The following MDGA2 variants were observed in gnomAD, a reference collection of about 807,000 sequenced individuals.
MDGA2 encodes MAM domain containing glycosylphosphatidylinositol anchor 2, also known as MAM domain-containing glycosylphosphatidylinositol anchor protein 2.
Under a neutral mutation model 117.8 loss-of-function variants are expected in MDGA2, and 40 were observed. That is an observed-to-expected ratio of 0.34 (90% CI 0.26 to 0.44). MDGA2 has a LOEUF of 0.44. Ranked by LOEUF, MDGA2 falls within the 20% of genes least tolerant of loss-of-function variation. The pLI is 1.00. For synonymous variants in MDGA2, 452 were observed against 439.0 expected, an observed-to-expected ratio of 1.03 and a Z score of -0.37; for missense variants, 1,123 against 1,250.6, an observed-to-expected ratio of 0.90 and a Z score of 1.54.
At chr14:47,318,031 C>A (rs1472746338) in intron 1 of MDGA2, among the ~76,000 whole-genome samples, 2 of 152,024 alleles carry the variant, frequency 1.3e-5, no homozygotes, top group Non-Finnish European at 2.9e-5. Flanking sequence ...AAGAACTTGC[C>A]CTTTTAATCT....
chr14:47,040,462 A>G (rs1889024800), intron 7 of MDGA2, among the ~76,000 whole-genome samples: 1 of 152,220 alleles, frequency 6.6e-6, no homozygotes, highest in Non-Finnish European at 1.5e-5. Flanking sequence ...AACTCATTCA[A>G]TGAAAACTTC....
rs142764255 is a variant in MDGA2, at chr14:47,451,748, T to A, written c.281-150198A>T. ...AGATTTCTGTCCTGCCCAGTGGATT[T>A]TTTTATCCTCCTCTATGTAAATGAA... On this transcript the variant is annotated intron_variant, in intron 1 of 16. Transcript: ENST00000399232. Among the ~76,000 whole-genome samples the A allele has an allele frequency of 6.5e-3, 988 of 152,242 alleles. 15 individuals carry two copies. Among genetic ancestry groups the A allele is most frequent in the African/African-American group, 0.023 (946 of 41,566 alleles).
chr14:47,116,477 A>G (rs1881336981), intron 5 of MDGA2, among the ~76,000 whole-genome samples: 1 of 152,162 alleles, frequency 6.6e-6, no homozygotes, highest in African/African-American at 2.4e-5. Flanking sequence ...TGGAGAACAA[A>G]GCAGGAGTTA....
At chr14:47,579,290 A>G (rs1896184213) in intron 1 of MDGA2, among the ~76,000 whole-genome samples, 1 of 152,062 alleles carries the variant, frequency 6.6e-6, no homozygotes, top group Admixed American at 6.6e-5. Context: ...TTTGTCCTTA[A>G]AAAGATATTA....
intron 3 of MDGA2, among the ~76,000 whole-genome samples, chr14:47,154,566 G>T (rs1391548639): frequency 6.6e-6 from 1 of 152,154 alleles, no homozygotes; most frequent in East Asian, 1.9e-4. Context: ...GGCCTCTCCC[G>T]GCTCCCAGCA....
At chr14:47,323,176 AT>A in intron 1 of MDGA2, among the ~76,000 whole-genome samples, 1 of 54,606 alleles carries the variant, frequency 1.8e-5, no homozygotes, top group Admixed American at 3.4e-4. Context: ...ATATATATAT[AT>A]ATATATATAT....
At chr14:47,133,761 C>G (rs1005689113) in intron 4 of MDGA2, among the ~76,000 whole-genome samples, 1 of 151,912 alleles carries the variant, frequency 6.6e-6, no homozygotes, top group African/African-American at 2.4e-5. Flanking sequence ...AATTTACACC[C>G]AATTATAACT....
chr14:47,498,724 C>T (rs1372930303), intron 1 of MDGA2, among the ~76,000 whole-genome samples: 1 of 151,904 alleles, frequency 6.6e-6, no homozygotes, highest in South Asian at 2.1e-4. Flanking sequence ...AATAAAGGGG[C>T]CCAATGCTTA....
intron 3 of MDGA2, among the ~76,000 whole-genome samples, chr14:47,210,466 A>G (rs905861134): frequency 1.3e-5 from 2 of 152,226 alleles, no homozygotes; most frequent in Non-Finnish European, 2.9e-5. Context: ...ATGGCTAAGA[A>G]TAAGTGAAAA....
chr14:47,251,168 G>T (rs1015993705), intron 2 of MDGA2, among the ~76,000 whole-genome samples: 2 of 152,120 alleles, frequency 1.3e-5, no homozygotes, highest in East Asian at 3.8e-4. Context: ...ATATATGTTT[G>T]GTTTTCTGTC....
chr14:47,292,881 C>T (rs959729611), intron 2 of MDGA2, among the ~76,000 whole-genome samples: 1 of 152,176 alleles, frequency 6.6e-6, no homozygotes, highest in Non-Finnish European at 1.5e-5. Context: ...GATATATTAT[C>T]CATTGTCATA....
intron 1 of MDGA2, among the ~76,000 whole-genome samples, chr14:47,584,377 T>A (rs1896283893): frequency 6.6e-6 from 1 of 151,848 alleles, no homozygotes; most frequent in Non-Finnish European, 1.5e-5. Flanking sequence ...TCTGAGAACA[T>A]GATGGTTGTT....
At chr14:47,550,867 C>T (rs1895567772) in intron 1 of MDGA2, among the ~76,000 whole-genome samples, 1 of 152,124 alleles carries the variant, frequency 6.6e-6, no homozygotes, top group Non-Finnish European at 1.5e-5. Context: ...CAGGAAAACA[C>T]TCCCTTGTTT....
intron 1 of MDGA2, among the ~76,000 whole-genome samples, chr14:47,556,893 T>C (rs1480799034): frequency 6.6e-6 from 1 of 152,204 alleles, no homozygotes; most frequent in Non-Finnish European, 1.5e-5. Flanking sequence ...CATTAAAAAA[T>C]TTAATGCACA....
At chr14:46,992,152 C>T (rs556358202) in intron 8 of MDGA2, among the ~76,000 whole-genome samples, 3 of 152,218 alleles carry the variant, frequency 2.0e-5, no homozygotes, top group African/African-American at 7.2e-5. Flanking sequence ...CTTCCACTGA[C>T]ACTGCTTAAG....
At chr14:47,557,390 G>A (rs1895704951) in intron 1 of MDGA2, among the ~76,000 whole-genome samples, 2 of 152,054 alleles carry the variant, frequency 1.3e-5, no homozygotes, top group South Asian at 4.1e-4. Flanking sequence ...AAAATTTAAG[G>A]GTGTAATTTG....
intron 3 of MDGA2, among the ~76,000 whole-genome samples, chr14:47,211,393 C>T (rs1179827633): frequency 5.9e-5 from 9 of 152,208 alleles, no homozygotes; most frequent in Middle Eastern, 3.4e-3. Context: ...ACTGAAGCCT[C>T]AAAAGTATGT....
intron 1 of MDGA2, among the ~76,000 whole-genome samples, chr14:47,636,135 C>T (rs552876029): frequency 1.3e-5 from 2 of 152,252 alleles, no homozygotes; most frequent in East Asian, 3.9e-4. Flanking sequence ...GATATCATAT[C>T]ACTACATCTG....
rs1486053412 is a variant in MDGA2 at position 46,884,168 on chromosome 14, T to C, written c.2239-1947A>G. Among the ~76,000 whole-genome samples, 1 of 152,130 alleles carries C rather than the reference T, an allele frequency of 6.6e-6. No homozygotes were observed. Among genetic ancestry groups the C allele is most frequent in the Non-Finnish European group, 1.5e-5 (1 of 68,010 alleles). ...CTTTTACTTTGATTGTGAAACTCTT[T>C]GGTGTCACAAATTAGAGTGGAGAAG... On this transcript the variant is annotated intron_variant, in intron 10 of 16. Transcript: ENST00000399232. The surrounding 1 kb of genome is among the most constrained non-coding windows in gnomAD (Gnocchi z 4.1).
Sources: gnomAD v4.1 joint callset for allele counts (sites outside exome capture counted in the v4.1 genomes callset) on GRCh38, gnomAD v4.1.1 for gene constraint, Gnocchi (gnomAD v3.1) non-coding constraint, MANE v1.5 for transcripts, NCBI Gene and HGNC (gene_info 2026-07-23, HGNC 2026-07-21) for gene names.